Variants in AKR1C3 observed in about 807,000 individuals in gnomAD.
AKR1C3 encodes aldo-keto reductase family 1 member C3.
AKR1C3 carries 48 observed loss-of-function variants against 43.6 expected under a neutral mutation model. The observed-to-expected ratio is 1.10, with a 90% CI of 0.87 to 1.40. The LOEUF (loss-of-function observed/expected upper bound fraction) is 1.40, where lower values mean the gene tolerates loss of function less well. Among genes scored for constraint, AKR1C3 ranks in the 40% most tolerant of loss-of-function variants. AKR1C3 has a pLI of 0.00. For missense variants in AKR1C3, 482 were observed against 391.2 expected, an observed-to-expected ratio of 1.23 and a Z score of -1.96; for synonymous variants, 162 against 139.6, an observed-to-expected ratio of 1.16 and a Z score of -1.13.
intron 5 of AKR1C3, 46 bp from the exon 6 acceptor site, chr10:5,102,055 A>T: frequency 8.4e-7 from 1 of 1,186,762 alleles, no homozygotes; most frequent in Non-Finnish European, 1.3e-6. Flanking sequence ...ATATTAACAT[A>T]ACTATTTCAT....
At chr10:5,084,471 T>G (rs1264606472) in intron 1 of AKR1C3, among the ~76,000 whole-genome samples, 2 of 151,846 alleles carry the variant, frequency 1.3e-5, no homozygotes, top group African/African-American at 4.8e-5. Context: ...ACTGTTTTGG[T>G]TACTGTAGCC....
upstream of AKR1C3, among the ~76,000 whole-genome samples, chr10:5,089,953 T>C (rs1159161915): frequency 6.6e-6 from 1 of 152,150 alleles, no homozygotes; most frequent in African/African-American, 2.4e-5. Context: ...GATTGTAGAG[T>C]GTCATGAGTA....
At chr10:5,062,374 A>G (rs559200535) in intron 1 of AKR1C3, among the ~76,000 whole-genome samples, 15 of 152,216 alleles carry the variant, frequency 9.9e-5, no homozygotes, top group Admixed American at 2.6e-4. Flanking sequence ...TTTTCTGTCT[A>G]TTTTCATTCC....
Position 5,082,113 on chromosome 10 carries a change from T to C in AKR1C3, c.85-14297T>C, listed in dbSNP as rs573444643. 5.1e-4 allele frequency among the ~76,000 whole-genome samples: 77 copies of C among 152,312 alleles called. No homozygotes were observed. In the South Asian group the frequency reaches 0.014, roughly 28 times the overall value. ...AATAGAGGGAGTTTTACTGTCTAGA[T>C]TGAGCTTCTGCTCCTTGGTCCACTC... is the stretch of plus-strand genomic sequence containing the variant. On this transcript the variant is annotated intron_variant, in intron 1 of 8. Transcript: ENST00000439082.
At chr10:5,064,433 G>A (rs376366750) in intron 1 of AKR1C3, among the ~76,000 whole-genome samples, 1 of 152,128 alleles carries the variant, frequency 6.6e-6, no homozygotes, top group African/African-American at 2.4e-5. Flanking sequence ...AAAAACCCTT[G>A]AAGATATCCC....
chr10:5,054,669 TTC>T (rs1838221863), intron 1 of AKR1C3, among the ~76,000 whole-genome samples: 1 of 152,292 alleles, frequency 6.6e-6, no homozygotes, highest in African/African-American at 2.4e-5. Flanking sequence ...GACTCTGACT[TTC>T]TGTGTCTGTC....
intron 1 of AKR1C3, among the ~76,000 whole-genome samples, chr10:5,089,246 C>A (rs1839034853): frequency 6.6e-6 from 1 of 152,106 alleles, no homozygotes; most frequent in African/African-American, 2.4e-5. Flanking sequence ...AGCATAGTAT[C>A]TTTCAGGTAT....
intron 1 of AKR1C3, chr10:5,096,174 T>G: frequency 2.5e-6 from 1 of 406,978 alleles, no homozygotes; most frequent in South Asian, 5.3e-5. Flanking sequence ...AATCTGAGGG[T>G]GTTATTTGGT....
chr10:5,069,180 G>T (rs1244011374), intron 1 of AKR1C3, among the ~76,000 whole-genome samples: 2 of 152,170 alleles, frequency 1.3e-5, no homozygotes, highest in African/African-American at 4.8e-5. Flanking sequence ...CAGAGCGAAA[G>T]AGACCAGAGA....
intron 7 of AKR1C3, 98 bp downstream of exon 7, chr10:5,102,748 T>G: frequency 1.3e-6 from 2 of 1,503,890 alleles, no homozygotes; most frequent in South Asian, 2.6e-5. Context: ...CCAGCTCCAT[T>G]TCCCTGTATT....
chr10:5,052,850 GT>G (rs782750886), intron 1 of AKR1C3, among the ~76,000 whole-genome samples: 4 of 151,850 alleles, frequency 2.6e-5, no homozygotes, highest in Non-Finnish European at 5.9e-5. Context: ...GCTGATTGGT[GT>G]GTTTACAAAC....
intron 1 of AKR1C3, among the ~76,000 whole-genome samples, chr10:5,052,966 G>T (rs1838182854): frequency 6.6e-6 from 1 of 152,118 alleles, no homozygotes; most frequent in African/African-American, 2.4e-5. Context: ...AGTGCCGATT[G>T]GTGCATTCAC....
At chr10:5,099,172 C>T (rs1839287389) in intron 4 of AKR1C3, among the ~76,000 whole-genome samples, 155 bp from the exon 5 acceptor site, 1 of 152,172 alleles carries the variant, frequency 6.6e-6, no homozygotes. Flanking sequence ...TCTTCTTCCC[C>T]TATTTGCTGT....
At chr10:5,059,293 G>A (rs565926225) in intron 1 of AKR1C3, among the ~76,000 whole-genome samples, 2 of 152,322 alleles carry the variant, frequency 1.3e-5, no homozygotes, top group East Asian at 3.9e-4. Flanking sequence ...GTCTTTAGAA[G>A]CAAGACTAAC....
At chr10:5,105,826 C>A in intron 8 of AKR1C3, 149 bp downstream of exon 8, 1 of 653,038 alleles carries the variant, frequency 1.5e-6, no homozygotes, top group Non-Finnish European at 2.7e-6. Context: ...CACTCCAGAG[C>A]TCTGTTCTCT....
chr10:5,055,397 G>A (rs1030396536), intron 1 of AKR1C3, among the ~76,000 whole-genome samples: 1 of 152,210 alleles, frequency 6.6e-6, no homozygotes, highest in African/African-American at 2.4e-5. Context: ...CCCTCAAGGA[G>A]TAGTGCCTAG....
chr10:5,076,357 G>T (rs1316755943), intron 1 of AKR1C3, among the ~76,000 whole-genome samples: 9 of 152,092 alleles, frequency 5.9e-5, no homozygotes, highest in African/African-American at 2.2e-4. Flanking sequence ...AGGTGAGTTA[G>T]TTATCGGAGA....
rs1815998322 is a variant in AKR1C3, at chr10:5,098,876, G to A, written c.444G>A (p.Trp148Ter). Residue 148 changes from tryptophan (W) to a stop codon, truncating the protein, a stop_gained, in exon 4 of 9, where the codon TGG (tryptophan) becomes TGA (stop). Transcript: ENST00000380554. LOFTEE classifies it high-confidence loss of function. ...IFDIVDLCTT[W>*]EAMEKCKDAG... Reference sequence around the variant, plus strand: ...ACATAGTGGATCTCTGTACCACCTGGGAGGTGAGTGCTTGGCGGAGAGGAC... The same window carrying A: ...ACATAGTGGATCTCTGTACCACCTGAGAGGTGAGTGCTTGGCGGAGAGGAC... 6.2e-7 allele frequency: 1 copy of A among 1,611,846 alleles called. No homozygotes were observed. The highest frequency in any genetic ancestry group is 2.2e-5 in the East Asian group (1 of 44,796).
intron 1 of AKR1C3, among the ~76,000 whole-genome samples, chr10:5,086,907 T>A (rs1286411178): frequency 1.3e-5 from 2 of 152,124 alleles, no homozygotes; most frequent in Non-Finnish European, 2.9e-5. Context: ...ACCCCTGCCT[T>A]TTTTTGTTTT....
Sources: allele counts gnomAD v4.1 joint callset (sites outside exome capture counted in the v4.1 genomes callset), GRCh38; gene constraint gnomAD v4.1.1; transcripts MANE v1.5; gene names NCBI Gene and HGNC (gene_info 2026-07-23, HGNC 2026-07-21).